Variants in SKIC3 observed in about 807,000 individuals in gnomAD.
The protein encoded by SKIC3 is SKI3 subunit of superkiller complex.
At chr5:95,469,682 G>A in the SKIC3 span, 1 of 1,549,460 alleles carries the variant, frequency 6.5e-7, no homozygotes, top group African/African-American at 1.4e-5. Flanking sequence ...AAATTGGTCT[G>A]TTACAAACTT....
chr5:95,527,946 G>A, the SKIC3 span: 3 of 1,574,650 alleles, frequency 1.9e-6, no homozygotes, highest in Non-Finnish European at 2.6e-6. Context: ...GTGGTAGGCA[G>A]AGAATGGTTG....
the SKIC3 span, among the ~76,000 whole-genome samples, chr5:95,495,768 T>C: frequency 2.0e-5 from 3 of 152,176 alleles, no homozygotes; most frequent in African/African-American, 4.8e-5. Flanking sequence ...GTGCAGAATA[T>C]TGGGTCCCAT....
At chr5:95,543,583 G>GCCTC in the SKIC3 span, among the ~76,000 whole-genome samples, 46 of 152,070 alleles carry the variant, frequency 3.0e-4, no homozygotes, top group African/African-American at 1.1e-3. Context: ...TCCACCAAAT[G>GCCTC]CCTCCCCATG....
chr5:95,482,430 A>G, the SKIC3 span: 3 of 1,587,688 alleles, frequency 1.9e-6, 1 homozygote, highest in Non-Finnish European at 2.6e-6. Flanking sequence ...AATATTATGA[A>G]GTGTTTTAAT....
the SKIC3 span, chr5:95,513,264 A>G: frequency 3.0e-6 from 1 of 331,136 alleles, no homozygotes; most frequent in Non-Finnish European, 5.7e-6. Flanking sequence ...CTGGAGTGCA[A>G]TGGCATGATC....
At chr5:95,492,652 GAAAAAAAAAAAAAAAAA>G in the SKIC3 span, among the ~76,000 whole-genome samples, 11 of 48,838 alleles carry the variant, frequency 2.3e-4, no homozygotes, top group Non-Finnish European at 2.5e-4. Context: ...AAAAAAAAAA[GAAAAAAAAAAAAAAAAA>G]AAAAAAAAAA....
chr5:95,549,966 T>C, the SKIC3 span, among the ~76,000 whole-genome samples: 1 of 151,986 alleles, frequency 6.6e-6, no homozygotes, highest in Non-Finnish European at 1.5e-5. Flanking sequence ...CAAAGAAACA[T>C]CTAGCTCTCT....
At chr5:95,487,605 C>G in the SKIC3 span, among the ~76,000 whole-genome samples, 1 of 152,136 alleles carries the variant, frequency 6.6e-6, no homozygotes, top group East Asian at 1.9e-4. Context: ...CTGTCTACAG[C>G]CAAAGAAATC....
chr5:95,502,018 C>G, the SKIC3 span, among the ~76,000 whole-genome samples: 21 of 152,210 alleles, frequency 1.4e-4, no homozygotes, highest in East Asian at 3.3e-3. Context: ...TGTAATGGCA[C>G]AGGATAGGAC....
the SKIC3 span, chr5:95,525,685 T>G: frequency 6.2e-7 from 1 of 1,612,882 alleles, no homozygotes; most frequent in Non-Finnish European, 8.5e-7. Flanking sequence ...TAGAAAATAA[T>G]TGTAAAGAAC....
At chr5:95,506,294 C>T in the SKIC3 span, among the ~76,000 whole-genome samples, 16 of 152,132 alleles carry the variant, frequency 1.1e-4, no homozygotes, top group African/African-American at 3.6e-4. Context: ...TAGCACTAAT[C>T]CTAAGACATC....
the SKIC3 span, chr5:95,497,314 C>G: frequency 9.0e-7 from 1 of 1,114,140 alleles, no homozygotes; most frequent in Admixed American, 2.0e-5. Context: ...CTTCATTGTA[C>G]AAATTATCTT....
At chr5:95,519,340 A>C in the SKIC3 span, among the ~76,000 whole-genome samples, 1 of 151,990 alleles carries the variant, frequency 6.6e-6, no homozygotes, top group Non-Finnish European at 1.5e-5. Flanking sequence ...CTGCTATGTT[A>C]CTGGCAGATG....
At chr5:95,521,920 A>AGT in the SKIC3 span, 1 of 1,024,358 alleles carries the variant, frequency 9.8e-7, no homozygotes, top group Non-Finnish European at 1.4e-6. Context: ...ATACTGTAAG[A>AGT]GGTTCATATG....
the SKIC3 span, chr5:95,512,478 T>G: frequency 1.2e-6 from 2 of 1,613,792 alleles, no homozygotes; most frequent in Admixed American, 1.7e-5. Context: ...GTACCTTACC[T>G]ACATATTTAT....
chr5:95,521,913 C>T, the SKIC3 span: 2 of 956,684 alleles, frequency 2.1e-6, no homozygotes, highest in African/African-American at 1.7e-5. Context: ...ATAAGCTATA[C>T]TGTAAGAGGT....
At chr5:95,484,707 C>A in the SKIC3 span, 6 of 1,613,956 alleles carry the variant, frequency 3.7e-6, no homozygotes, top group Non-Finnish European at 5.1e-6. Flanking sequence ...AGTTTCAATG[C>A]ACATTCCATA....
chr5:95,541,047 A>G, the SKIC3 span, among the ~76,000 whole-genome samples: 1 of 152,118 alleles, frequency 6.6e-6, no homozygotes, highest in Non-Finnish European at 1.5e-5. Flanking sequence ...GCTTACCACA[A>G]CATCTGCCTC....
At chr5:95,509,702 A>T in the SKIC3 span, 1 of 1,548,722 alleles carries the variant, frequency 6.5e-7, no homozygotes, top group Non-Finnish European at 8.9e-7. Context: ...AAAATGAGAA[A>T]TATCTTCATT....
Sources: gnomAD v4.1 joint callset for allele counts (sites outside exome capture counted in the v4.1 genomes callset) on GRCh38, gnomAD v4.1.1 for gene constraint, MANE v1.5 for transcripts, NCBI Gene and HGNC (gene_info 2026-07-23, HGNC 2026-07-21) for gene names.